Variants in WHAMM observed in about 807,000 individuals in gnomAD.
WHAMM encodes WASP homolog associated with actin, golgi membranes and microtubules.
A neutral mutation model predicts 76.5 loss-of-function variants in WHAMM; 67 were observed. The observed-to-expected ratio is 0.88, with a 90% CI of 0.72 to 1.07. The LOEUF is 1.07. Ranked by LOEUF, WHAMM falls within the 50% of genes least tolerant of loss-of-function variation. The probability of loss-of-function intolerance (pLI) is 0.00; values close to 1 mark genes in which losing one functional copy is unlikely to be tolerated. For missense variants in WHAMM, 1,021 were observed against 1,051.1 expected, an observed-to-expected ratio of 0.97 and a Z score of 0.40; for synonymous variants, 419 against 422.1, an observed-to-expected ratio of 0.99 and a Z score of 0.09.
At chr15:82,814,631 T>A (rs112938852) in intron 2 of WHAMM, among the ~76,000 whole-genome samples, 19,786 of 151,634 alleles carry the variant, frequency 0.13, 1,679 homozygotes, top group South Asian at 0.34. Context: ...TGTATTTTTT[T>A]AGTAGAGACG....
Position 82,817,842 on chromosome 15 carries a change from T to TA in WHAMM, c.935-71dup, listed in dbSNP as rs987809247. Reference sequence around the variant, plus strand: ...TATTCTGCAGGTAGTATGGAGGCAATAAAAAAAGGATTAGCTCATGATAAA... The same window carrying TA: ...TATTCTGCAGGTAGTATGGAGGCAATAAAAAAAAGGATTAGCTCATGATAAA... On this transcript the variant is annotated intron_variant, in intron 3 of 9. Transcript: ENST00000286760. 1.6e-5 allele frequency: 20 copies of TA among 1,257,758 alleles called. No individual in the cohort carries two copies. The Admixed American group carries it at 4.8e-4, about 30-fold the overall frequency. The allele number at this position is 1,257,758 out of a possible 1,614,324, so 77.9% of individuals were successfully genotyped here. A position where few individuals can be genotyped will look rare whatever the true frequency, so the allele number is the denominator to read the frequency against.
chr15:82,817,849 A>C, intron 3 of WHAMM, 71 bp from the exon 4 acceptor site: 2 of 1,284,878 alleles, frequency 1.6e-6, no homozygotes, highest in Non-Finnish European at 2.0e-6. Flanking sequence ...CAATAAAAAA[A>C]GGATTAGCTC....
rs563056953 is a variant in WHAMM, at chr15:82,819,436, C to A, written c.1218C>A (p.Asn406Lys). The A allele has an allele frequency of 2.4e-6, 3 of 1,265,422 alleles. No homozygotes were observed. The highest frequency in any genetic ancestry group is 3.2e-5 in the African/African-American group (2 of 63,202). The allele number at this position is 1,265,422 out of a possible 1,614,324, so 78.4% of individuals were successfully genotyped here. ...AAGTTAAATTTGAGATATTAAAAAACGAAGAAATACTGCTTACTACACAGT... is the reference window on the plus strand; with the variant it reads ...AAGTTAAATTTGAGATATTAAAAAAAGAAGAAATACTGCTTACTACACAGT... The part of the protein sequence containing the change: ...LYEVKFEILK[N>K]EEILLTTQLD... The change falls in exon 5 of 10, where the codon AAC (asparagine) becomes AAA (lysine). Residue 406 changes from asparagine to lysine, a missense_variant. Around this residue, in one of 3 missense-constraint regions of WHAMM, gnomAD observed 11 missense variants for 34.0 expected, o/e 0.32. Coordinates refer to ENST00000286760, the MANE Select transcript of WHAMM (RefSeq NM_001080435.3).
Position 82,823,266 on chromosome 15 carries a change from A to G in WHAMM, c.1437A>G (p.Arg479=). ...AACGGGGCAGGATCTGTGCCAAAAGAGCCTCTCTCCGGAGTAGAAAGGTAG... is the reference window on the plus strand; with the variant it reads ...AACGGGGCAGGATCTGTGCCAAAAGGGCCTCTCTCCGGAGTAGAAAGGTAG... ...ESKRGRICAK[R]ASLRSRKDQC... Residue 479 remains arginine (R), a synonymous_variant, in exon 6 of 10, where the codon AGA becomes AGG. Transcript: ENST00000286760. 1 of 1,534,864 alleles carries G rather than the reference A, an allele frequency of 6.5e-7. No homozygotes were observed. The highest frequency in any genetic ancestry group is 1.3e-5 in the South Asian group (1 of 77,082).
chr15:82,826,888 A>G (rs2050945629), intron 8 of WHAMM, 42 bp downstream of exon 8: 1 of 1,512,262 alleles, frequency 6.6e-7, no homozygotes, highest in Non-Finnish European at 8.8e-7. Flanking sequence ...CTTCTGGGGA[A>G]ATAACTGAAG....
chr15:82,810,288 CG>C lies in WHAMM; in HGVS notation c.565del (p.Ala189ProfsTer27). 7.4e-7 allele frequency: 1 copy of C among 1,349,100 alleles called. No individual in the cohort carries two copies. The highest frequency in any genetic ancestry group is 1.8e-5 in the South Asian group (1 of 54,134). 83.6% of individuals were successfully genotyped at this position (1,349,100 alleles called of 1,614,324 possible). On this transcript the variant is annotated frameshift_variant, in exon 1 of 10. Transcript: ENST00000286760. LOFTEE classifies it high-confidence loss of function. ...DCESPREFRE[R>X]ALRARWVEAD... Reference sequence around the variant, plus strand: ...CGAAAGCCCGCGCGAGTTCCGGGAGCGGGCCTTGCGCGCGCGGTGGGTCGAG... The same window carrying C: ...CGAAAGCCCGCGCGAGTTCCGGGAGCGGCCTTGCGCGCGCGGTGGGTCGAG...
rs1275040916 is a variant in WHAMM at position 82,823,172 on chromosome 15, T to TG, written c.1347dup (p.Leu450AlafsTer4). ...GAACTTAAAGTCATTGACTGTGTGG[T>TG]GGGGCTGCAGGATGATAAGAATTTG... On this transcript the variant is annotated frameshift_variant, in exon 6 of 10. Transcript: ENST00000286760. LOFTEE classifies it high-confidence loss of function. 6.4e-7 allele frequency: 1 copy of TG among 1,572,590 alleles called. No homozygotes were observed. The highest frequency in any genetic ancestry group is 1.8e-5 in the Admixed American group (1 of 56,814).
intron 1 of WHAMM, among the ~76,000 whole-genome samples, 164 bp from the exon 2 acceptor site, chr15:82,812,939 G>GGGCATTTTTGATGGAGGATGAT (rs1452084078): frequency 1.2e-4 from 19 of 152,068 alleles, no homozygotes; most frequent in Non-Finnish European, 2.6e-4. Flanking sequence ...TTGTTTTATT[G>GGGCATTTTTGATGGAGGATGAT]GGCATTTTTG....
chr15:82,812,194 C>A (rs972884290), intron 1 of WHAMM, among the ~76,000 whole-genome samples: 1 of 152,182 alleles, frequency 6.6e-6, no homozygotes, highest in African/African-American at 2.4e-5. Flanking sequence ...TGCTGAAGTA[C>A]TTGGAGACAG....
At chr15:82,818,358 G>A (rs1839640418) in intron 4 of WHAMM, among the ~76,000 whole-genome samples, 1 of 152,096 alleles carries the variant, frequency 6.6e-6, no homozygotes, top group Admixed American at 6.5e-5. Context: ...CCACTTATAA[G>A]TGAGACCATG....
At chr15:82,819,684 T>TCC (rs2050786749) in intron 5 of WHAMM, among the ~76,000 whole-genome samples, 196 bp downstream of exon 5, 1 of 152,174 alleles carries the variant, frequency 6.6e-6, no homozygotes, top group African/African-American at 2.4e-5. Flanking sequence ...ATTACCCCAA[T>TCC]CCCATCATCT....
At position 82,826,428 on chromosome 15, in the gene WHAMM, C is replaced by G; in HGVS notation, c.1477C>G (p.His493Asp). 1 of 1,613,990 alleles carries G rather than the reference C, an allele frequency of 6.2e-7. No homozygotes were observed. Among genetic ancestry groups the G allele is most frequent in the Non-Finnish European group, 8.5e-7 (1 of 1,179,896 alleles). Residue 493 changes from histidine to aspartate, a missense_variant, in exon 7 of 10, where the codon CAT becomes GAT. Physicochemically the swap from His to Asp is moderately conservative, Grantham distance 81. Around this residue, in one of 3 missense-constraint regions of WHAMM, gnomAD observed 509 missense variants for 492.3 expected, o/e 1.03. Coordinates refer to ENST00000286760, the MANE Select transcript of WHAMM (RefSeq NM_001080435.3). ...RSRKDQCKEN[H>D]RFRLQQAEES... ...CCACCAGGATCAGTGCAAAGAAAATCATCGGTTCAGATTGCAACAGGCTGA... is the reference window on the plus strand; with the variant it reads ...CCACCAGGATCAGTGCAAAGAAAATGATCGGTTCAGATTGCAACAGGCTGA...
At chr15:82,819,547 C>T in intron 5 of WHAMM, 59 bp downstream of exon 5, 1 of 885,386 alleles carries the variant, frequency 1.1e-6, no homozygotes, top group Non-Finnish European at 1.6e-6. Flanking sequence ...AAATACAGAC[C>T]ATATTATCAA....
chr15:82,833,774 C>T lies in WHAMM; in HGVS notation c.*238C>T. On this transcript the variant is annotated 3_prime_UTR_variant, in exon 10 of 10. Transcript: ENST00000286760. Reference sequence around the variant, plus strand: ...GCGCCATCTCGGCTCACCGCAAGCTCCGCTTCCCAGGCTGGGGTGCAGTGG... The same window carrying T: ...GCGCCATCTCGGCTCACCGCAAGCTTCGCTTCCCAGGCTGGGGTGCAGTGG... 2 of 498,414 alleles carry T rather than the reference C, an allele frequency of 4.0e-6. No individual in the cohort carries two copies. Among genetic ancestry groups the T allele is most frequent in the Admixed American group, 3.4e-5 (1 of 29,090 alleles). The allele number at this position is 498,414 out of a possible 1,614,324, so 30.9% of individuals were successfully genotyped here. A position where few individuals can be genotyped will look rare whatever the true frequency, so the allele number is the denominator to read the frequency against.
chr15:82,817,790 A>G, intron 3 of WHAMM, 130 bp from the exon 4 acceptor site: 2 of 676,686 alleles, frequency 3.0e-6, no homozygotes, highest in South Asian at 5.4e-5. Flanking sequence ...ATAATAAAAA[A>G]GTTAATAAAA....
chr15:82,819,732 G>A (rs1190992654), intron 5 of WHAMM, among the ~76,000 whole-genome samples: 1 of 152,234 alleles, frequency 6.6e-6, no homozygotes, highest in Non-Finnish European at 1.5e-5. Context: ...AGTGGCTCAC[G>A]CCTATAATCC....
chr15:82,830,124 G>C (rs2051001578), intron 8 of WHAMM, among the ~76,000 whole-genome samples: 1 of 150,096 alleles, frequency 6.7e-6, no homozygotes, highest in African/African-American at 2.4e-5. Context: ...TTTATATCTG[G>C]TTTTCATTGA....
At chr15:82,833,074 T>C (rs967219207) in intron 9 of WHAMM, among the ~76,000 whole-genome samples, 155 bp from the exon 10 acceptor site, 1 of 152,258 alleles carries the variant, frequency 6.6e-6, no homozygotes, top group Non-Finnish European at 1.5e-5. Flanking sequence ...AGGGAGCTTA[T>C]CGTTAGCACG....
intron 1 of WHAMM, among the ~76,000 whole-genome samples, chr15:82,811,078 T>G (rs1475734503): frequency 2.6e-5 from 4 of 152,216 alleles, no homozygotes; most frequent in Admixed American, 1.3e-4. Flanking sequence ...GAATGATTTT[T>G]TTCTGTGCAT....
Sources: gnomAD v4.1 joint callset for allele counts (sites outside exome capture counted in the v4.1 genomes callset) on GRCh38, gnomAD v4.1.1 for gene constraint, gnomAD v4.1.1 regional missense constraint, MANE v1.5 for transcripts, NCBI Gene and HGNC (gene_info 2026-07-23, HGNC 2026-07-21) for gene names.